BRINP3: variants seen among roughly 807,000 people sequenced by gnomAD.
BRINP3 encodes the protein BMP/retinoic acid-inducible neural-specific protein 3.
BRINP3 carries 19 observed loss-of-function variants against 71.0 expected under a neutral mutation model. The ratio of observed to expected loss-of-function variants is 0.27; its 90% CI spans 0.19 to 0.39. The LOEUF is 0.39. Among genes scored for constraint, BRINP3 ranks in the 10% least tolerant of loss-of-function variants. The pLI is 1.00. For synonymous variants in BRINP3, 380 were observed against 337.7 expected (o/e 1.13, Z -1.37); for missense variants, 959 against 940.8 (o/e 1.02, Z -0.25).
At chr1:190,199,892 A>C (rs1654850491) in intron 6 of BRINP3, among the ~76,000 whole-genome samples, 1 of 152,056 alleles carries the variant, frequency 6.6e-6, no homozygotes, top group African/African-American at 2.4e-5. Flanking sequence ...AAAAATAACA[A>C]AATATAAAAT....
chr1:190,352,936 C>A (rs1668492353), intron 2 of BRINP3, among the ~76,000 whole-genome samples: 1 of 150,854 alleles, frequency 6.6e-6, no homozygotes, highest in Non-Finnish European at 1.5e-5. Flanking sequence ...AGAATTGTGT[C>A]TGTATACTAT....
rs184099275 is a variant in BRINP3 at position 190,159,459 on chromosome 1, C to A, written c.1184+1209G>T. 7.2e-5 allele frequency among the ~76,000 whole-genome samples: 11 copies of A among 152,130 alleles called. No homozygotes were observed. In the East Asian group the frequency reaches 1.5e-3, roughly 21 times the overall value. On this transcript the variant is annotated intron_variant, in intron 7 of 7. Transcript: ENST00000367462. ...TATTCATAATAGCTTAGAAGTACAA[C>A]AAGCCAAATCTTCATCAAGTGATGA...
At chr1:190,232,956 T>G (rs1486229508) in intron 5 of BRINP3, among the ~76,000 whole-genome samples, 2 of 152,120 alleles carry the variant, frequency 1.3e-5, no homozygotes, top group African/African-American at 4.8e-5. Context: ...TTTTAATAAA[T>G]GTAAATCTAT....
chr1:190,136,534 T>G (rs527937225), intron 7 of BRINP3, among the ~76,000 whole-genome samples: 1 of 152,232 alleles, frequency 6.6e-6, no homozygotes, highest in African/African-American at 2.4e-5. Context: ...CCTTCCCTCT[T>G]TGAATAATCT....
At chr1:190,219,827 G>A (rs1181576565) in intron 6 of BRINP3, among the ~76,000 whole-genome samples, 2 of 148,878 alleles carry the variant, frequency 1.3e-5, no homozygotes, top group Non-Finnish European at 3.0e-5. Flanking sequence ...GACAGAGTGA[G>A]ACTCCAAAAA....
At chr1:190,151,823 A>C (rs1157545525) in intron 7 of BRINP3, among the ~76,000 whole-genome samples, 1 of 152,186 alleles carries the variant, frequency 6.6e-6, no homozygotes, top group Non-Finnish European at 1.5e-5. Flanking sequence ...GGTAATTGCC[A>C]AATATTTTAC....
chr1:190,203,361 T>C (rs1655174472), intron 6 of BRINP3, among the ~76,000 whole-genome samples: 1 of 151,494 alleles, frequency 6.6e-6, no homozygotes, highest in Non-Finnish European at 1.5e-5. Context: ...GAGAACAAAA[T>C]ATTTTTAAAA....
At position 190,281,676 on chromosome 1, in the gene BRINP3, G is replaced by A; in HGVS notation, c.311C>T (p.Ala104Val). 1 of 1,612,864 alleles carries A rather than the reference G, an allele frequency of 6.2e-7. No individual in the cohort carries two copies. Among genetic ancestry groups the A allele is most frequent in the Non-Finnish European group, 8.5e-7 (1 of 1,179,312 alleles). Reference sequence around the variant, plus strand: ...TCTTATGTTGCGGAAGAATTCAGGGGCAAGAGGCAGAGGAGAGCCAAGGAA... The same window carrying A: ...TCTTATGTTGCGGAAGAATTCAGGGACAAGAGGCAGAGGAGAGCCAAGGAA... The part of the protein sequence containing the change: ...RNFLGSPLPL[A>V]PEFFRNIRLL... The change falls in exon 3 of 8, where the codon GCC (alanine) becomes GTC (valine). Residue 104 changes from alanine to valine, a missense_variant. Physicochemically the swap from Ala to Val is moderately conservative, Grantham distance 64. Coordinates refer to ENST00000367462, the MANE Select transcript of BRINP3 (RefSeq NM_199051.3).
chr1:190,339,062 T>C (rs1667482554), intron 2 of BRINP3, among the ~76,000 whole-genome samples: 1 of 150,778 alleles, frequency 6.6e-6, no homozygotes, highest in Non-Finnish European at 1.5e-5. Context: ...AACAATCTTT[T>C]TTCTTCAGCT....
At chr1:190,164,863 G>A (rs1162247374) in intron 6 of BRINP3, among the ~76,000 whole-genome samples, 1 of 151,842 alleles carries the variant, frequency 6.6e-6, no homozygotes, top group Non-Finnish European at 1.5e-5. Context: ...ATGACCTACA[G>A]TGCCTGGCTT....
intron 2 of BRINP3, among the ~76,000 whole-genome samples, chr1:190,377,366 T>C (rs1383134278): frequency 2.0e-5 from 3 of 151,964 alleles, no homozygotes; most frequent in South Asian, 4.1e-4. Flanking sequence ...ACAAACACAA[T>C]ACTTAATGGT....
chr1:190,301,202 T>G (rs866617653), intron 2 of BRINP3, among the ~76,000 whole-genome samples: 1 of 26,146 alleles, frequency 3.8e-5, no homozygotes, highest in Admixed American at 6.9e-4. Flanking sequence ...TATATACACA[T>G]ACATATATAT....
intron 2 of BRINP3, among the ~76,000 whole-genome samples, chr1:190,298,520 T>C (rs1470524492): frequency 2.0e-5 from 3 of 152,130 alleles, no homozygotes; most frequent in Admixed American, 1.3e-4. Context: ...TTTTGATATT[T>C]GTGTTTTCAT....
chr1:190,221,352 G>A (rs923681192), intron 6 of BRINP3, among the ~76,000 whole-genome samples: 7 of 152,146 alleles, frequency 4.6e-5, no homozygotes, highest in African/African-American at 1.7e-4. Flanking sequence ...TCCAAGGTAA[G>A]TTGTCTTCTC....
At chr1:190,297,909 T>C (rs749731129) in intron 2 of BRINP3, among the ~76,000 whole-genome samples, 3 of 151,966 alleles carry the variant, frequency 2.0e-5, no homozygotes, top group Non-Finnish European at 4.4e-5. Context: ...TTCTGGGAAA[T>C]AGTCTGTAAA....
At chr1:190,252,657 A>G (rs1335368944) in intron 4 of BRINP3, among the ~76,000 whole-genome samples, 1 of 152,074 alleles carries the variant, frequency 6.6e-6, no homozygotes, top group Admixed American at 6.6e-5. Context: ...TTCAATTAGC[A>G]TTTATTGAGC....
intron 3 of BRINP3, among the ~76,000 whole-genome samples, chr1:190,276,715 TG>T (rs1447883910): frequency 6.6e-6 from 1 of 151,432 alleles, no homozygotes; most frequent in Non-Finnish European, 1.5e-5. Context: ...AAATCACTAT[TG>T]TATGAAGTTA....
At chr1:190,318,931 A>G (rs1571734236) in intron 2 of BRINP3, among the ~76,000 whole-genome samples, 1 of 152,150 alleles carries the variant, frequency 6.6e-6, no homozygotes, top group African/African-American at 2.4e-5. Flanking sequence ...TCGGATGTAG[A>G]TCTATATATT....
chr1:190,373,235 C>T (rs919386079), intron 2 of BRINP3, among the ~76,000 whole-genome samples: 18 of 151,766 alleles, frequency 1.2e-4, no homozygotes, highest in Non-Finnish European at 4.4e-5. Context: ...ACTAAAAATA[C>T]AAAAATTAGC....
Sources: allele counts gnomAD v4.1 joint callset (sites outside exome capture counted in the v4.1 genomes callset), GRCh38; gene constraint gnomAD v4.1.1; transcripts MANE v1.5; gene names NCBI Gene and HGNC (gene_info 2026-07-23, HGNC 2026-07-21).